The following WSCD2 variants were observed in gnomAD, a reference collection of about 807,000 sequenced individuals.
WSCD2 encodes WSC domain sialate O sulfotransferase 2.
A neutral mutation model predicts 55.7 loss-of-function variants in WSCD2; 28 were observed. The ratio of observed to expected loss-of-function variants is 0.50; its 90% CI spans 0.37 to 0.69. The LOEUF is 0.69. Ranked by LOEUF, WSCD2 falls within the 30% of genes least tolerant of loss-of-function variation. The probability of loss-of-function intolerance (pLI) is 0.00; values close to 1 mark genes in which losing one functional copy is unlikely to be tolerated. For synonymous variants in WSCD2, 301 were observed against 301.9 expected, an observed-to-expected ratio of 1.00 and a Z score of 0.03; for missense variants, 616 against 762.1, an observed-to-expected ratio of 0.81 and a Z score of 2.26.
chr12:108,150,280 C>T (rs1002062458), intron 1 of WSCD2, among the ~76,000 whole-genome samples: 2 of 152,144 alleles, frequency 1.3e-5, no homozygotes, highest in African/African-American at 2.4e-5. Flanking sequence ...CTATCTTTCC[C>T]CTCTGGGCAG....
At chr12:108,225,965 T>G (rs2137165993) in intron 5 of WSCD2, among the ~76,000 whole-genome samples, 1 of 152,260 alleles carries the variant, frequency 6.6e-6, no homozygotes, top group East Asian at 1.9e-4. Context: ...AGATGAAGCT[T>G]TCTCCTGCAG....
intron 4 of WSCD2, among the ~76,000 whole-genome samples, chr12:108,222,433 G>A (rs1887629865): frequency 6.6e-6 from 1 of 152,218 alleles, no homozygotes; most frequent in Non-Finnish European, 1.5e-5. Flanking sequence ...AAGGTGAGAT[G>A]AGCTGATGTT....
chr12:108,141,957 A>G (rs1876868101), intron 1 of WSCD2, among the ~76,000 whole-genome samples: 1 of 152,222 alleles, frequency 6.6e-6, no homozygotes, highest in Non-Finnish European at 1.5e-5. Context: ...TGCAAAGAGC[A>G]GAGAGAACAG....
chr12:108,241,204 G>A (rs1378857830), intron 8 of WSCD2, among the ~76,000 whole-genome samples: 3 of 152,174 alleles, frequency 2.0e-5, no homozygotes, highest in Non-Finnish European at 4.4e-5. Context: ...TGACAGCATT[G>A]AGCCCCAAGC....
intron 3 of WSCD2, among the ~76,000 whole-genome samples, chr12:108,207,110 G>A (rs190017908): frequency 5.2e-4 from 79 of 152,266 alleles, no homozygotes; most frequent in Admixed American, 1.1e-3. Context: ...TTGATGTTTT[G>A]AGAGTGGACA....
At chr12:108,232,577 G>A (rs1008439447) in intron 6 of WSCD2, among the ~76,000 whole-genome samples, 154 bp from the exon 7 acceptor site, 4 of 152,082 alleles carry the variant, frequency 2.6e-5, no homozygotes, top group East Asian at 1.9e-4. Context: ...GGAAAGCTGA[G>A]GCCCAAGGAA....
chr12:108,153,114 C>CAAACAAACAAAA (rs1332517235), intron 1 of WSCD2, among the ~76,000 whole-genome samples: 1 of 151,930 alleles, frequency 6.6e-6, no homozygotes, highest in Non-Finnish European at 1.5e-5. Context: ...AACAAACAAA[C>CAAACAAACAAAA]AAACAAACAA....
intron 1 of WSCD2, among the ~76,000 whole-genome samples, chr12:108,139,245 A>T (rs1325132934): frequency 6.6e-6 from 1 of 152,204 alleles, no homozygotes; most frequent in Non-Finnish European, 1.5e-5. Context: ...TGATAGTTGC[A>T]TGGGATGGAA....
chr12:108,231,474 G>T (rs768344131), intron 6 of WSCD2, among the ~76,000 whole-genome samples: 2 of 152,162 alleles, frequency 1.3e-5, no homozygotes, highest in Non-Finnish European at 2.9e-5. Flanking sequence ...AAAAGCCAGA[G>T]AATCAAAAAT....
At chr12:108,223,546 C>T (rs1887755699) in intron 4 of WSCD2, among the ~76,000 whole-genome samples, 1 of 152,132 alleles carries the variant, frequency 6.6e-6, no homozygotes, top group Non-Finnish European at 1.5e-5. Flanking sequence ...TAGGTTGTTT[C>T]TACTCCTTCA....
chr12:108,192,178 A>C (rs889203604), intron 1 of WSCD2, among the ~76,000 whole-genome samples: 1 of 152,196 alleles, frequency 6.6e-6, no homozygotes, highest in African/African-American at 2.4e-5. Context: ...TGAGGGGCGG[A>C]GGTGGGGCTT....
At chr12:108,173,781 C>A (rs1263049014) in intron 1 of WSCD2, among the ~76,000 whole-genome samples, 1 of 147,334 alleles carries the variant, frequency 6.8e-6, no homozygotes, top group East Asian at 2.0e-4. Context: ...AGGCAGGAAG[C>A]CATTGAGGCA....
chr12:108,132,149 G>A (rs935291699), intron 1 of WSCD2, among the ~76,000 whole-genome samples: 10 of 151,884 alleles, frequency 6.6e-5, no homozygotes, highest in African/African-American at 1.2e-4. Context: ...TTTTCTGCGT[G>A]GTTCTGAGGC....
rs761976256 is a variant in WSCD2 at position 108,248,424 on chromosome 12, T to A, written c.*81T>A. ...ACTCAAGACCCCTGGTTACCCCCAC[T>A]CATCTGTCCTCTCTTTGGTCTGGGG... On this transcript the variant is annotated 3_prime_UTR_variant, in exon 9 of 9. Coordinates refer to ENST00000547525, the MANE Select transcript of WSCD2 (RefSeq NM_014653.4). The surrounding 1 kb of genome is among the most constrained non-coding windows in gnomAD (Gnocchi z 4.3). 1 of 1,505,686 alleles carries A rather than the reference T, an allele frequency of 6.6e-7. No individual in the cohort carries two copies. The highest frequency in any genetic ancestry group is 8.9e-7 in the Non-Finnish European group (1 of 1,126,516). 93.3% of individuals were successfully genotyped at this position (1,505,686 alleles called of 1,614,324 possible).
At chr12:108,191,835 T>TG (rs1408283043) in intron 1 of WSCD2, among the ~76,000 whole-genome samples, 3 of 152,018 alleles carry the variant, frequency 2.0e-5, no homozygotes, top group African/African-American at 7.2e-5. Flanking sequence ...GCTCTGAAAG[T>TG]GGGGGGTGGA....
chr12:108,238,469 T>G (rs778097036), intron 7 of WSCD2, among the ~76,000 whole-genome samples: 1 of 152,172 alleles, frequency 6.6e-6, no homozygotes, highest in Admixed American at 6.5e-5. Flanking sequence ...CCATCCATCT[T>G]AAAAGCCAGA....
In WSCD2 at chr12:108,210,230, C is replaced by T. The variant is rs1335158403; in HGVS notation, c.607C>T (p.Arg203Ter). 1 of 1,612,898 alleles carries T rather than the reference C, an allele frequency of 6.2e-7. No homozygotes were observed. Among genetic ancestry groups the T allele is most frequent in the South Asian group, 1.1e-5 (1 of 91,012 alleles). The change falls in exon 4 of 9, where the codon CGA (arginine) becomes TGA (stop). Residue 203 changes from arginine to a stop codon, truncating the protein, a stop_gained. Coordinates refer to ENST00000547525, the MANE Select transcript of WSCD2 (RefSeq NM_014653.4). LOFTEE classifies it high-confidence loss of function. This position sits in a 1 kb window ranked among gnomAD's most constrained non-coding sequence, Gnocchi z 4.3. ...GTGCGACATGGAGTGCAAGGGCGAG[C>T]GAGGCAGCGTGTGCGGCGGCGCCAA... Reference protein sequence around the residue: ...AECDMECKGERGSVCGGANRL... With the variant: ...AECDMECKGE
chr12:108,134,462 G>T (rs1011961314), intron 1 of WSCD2, among the ~76,000 whole-genome samples: 18 of 152,136 alleles, frequency 1.2e-4, no homozygotes, highest in Non-Finnish European at 2.1e-4. Context: ...TCTCAGCCTG[G>T]CCCTAGAATG....
At chr12:108,211,794 G>C (rs12425325) in intron 4 of WSCD2, among the ~76,000 whole-genome samples, 17,133 of 149,172 alleles carry the variant, frequency 0.11, 1,773 homozygotes, top group African/African-American at 0.28. Flanking sequence ...GCTGGGATTA[G>C]AGTTTCCCGC....
Sources: allele counts gnomAD v4.1 joint callset (sites outside exome capture counted in the v4.1 genomes callset), GRCh38; gene constraint gnomAD v4.1.1; non-coding constraint Gnocchi (gnomAD v3.1); transcripts MANE v1.5; gene names NCBI Gene and HGNC (gene_info 2026-07-23, HGNC 2026-07-21).